The following GRM8 variants were observed in gnomAD, a reference collection of about 807,000 sequenced individuals.
GRM8 encodes the protein glutamate metabotropic receptor 8, also known as metabotropic glutamate receptor 8.
GRM8 carries 47 observed loss-of-function variants against 87.2 expected under a neutral mutation model. The observed-to-expected ratio is 0.54, with a 90% CI of 0.43 to 0.69. The LOEUF (loss-of-function observed/expected upper bound fraction) is 0.69. Among genes scored for constraint, GRM8 ranks in the 30% least tolerant of loss-of-function variants. The probability of loss-of-function intolerance (pLI) is 0.00; values close to 1 mark genes in which losing one functional copy is unlikely to be tolerated. For missense variants in GRM8, 1,019 were observed against 1,139.2 expected (o/e 0.89, Z 1.52); for synonymous variants, 396 against 404.5 (o/e 0.98, Z 0.25).
intron 2 of GRM8, among the ~76,000 whole-genome samples, chr7:127,133,148 G>A (rs1196615121): frequency 6.6e-6 from 1 of 151,406 alleles, no homozygotes; most frequent in African/African-American, 2.4e-5. Flanking sequence ...GGCCAAGCGC[G>A]GTGGCTCACG....
chr7:126,581,061 A>T (rs1174200273), intron 8 of GRM8, among the ~76,000 whole-genome samples: 1 of 152,062 alleles, frequency 6.6e-6, no homozygotes, highest in African/African-American at 2.4e-5. Context: ...CTGCAGAACC[A>T]GTGTTCTGAG....
At chr7:126,692,887 A>G (rs1563097172) in intron 7 of GRM8, among the ~76,000 whole-genome samples, 1 of 152,232 alleles carries the variant, frequency 6.6e-6, no homozygotes, top group Non-Finnish European at 1.5e-5. Context: ...AAACAGAAGG[A>G]GGATCAGAAA....
intron 6 of GRM8, among the ~76,000 whole-genome samples, chr7:126,880,167 T>C (rs1157356869): frequency 6.6e-6 from 1 of 152,140 alleles, no homozygotes; most frequent in Non-Finnish European, 1.5e-5. Flanking sequence ...GTTTATTAGA[T>C]GAATAAATAA....
intron 9 of GRM8, among the ~76,000 whole-genome samples, chr7:126,528,444 A>T (rs1562923364): frequency 6.6e-6 from 1 of 152,198 alleles, no homozygotes; most frequent in Non-Finnish European, 1.5e-5. Flanking sequence ...AGCAAAATCA[A>T]ATAAAGTCCT....
intron 2 of GRM8, among the ~76,000 whole-genome samples, chr7:127,175,220 C>T (rs1289411140): frequency 6.6e-6 from 1 of 152,096 alleles, no homozygotes; most frequent in African/African-American, 2.4e-5. Flanking sequence ...CAAACACTAA[C>T]AGAACTGAAT....
intron 6 of GRM8, among the ~76,000 whole-genome samples, chr7:126,848,261 T>C (rs1796887871): frequency 6.6e-6 from 1 of 152,144 alleles, no homozygotes; most frequent in African/African-American, 2.4e-5. Flanking sequence ...CAGTGGTCAT[T>C]GGAAAATGAG....
intron 6 of GRM8, among the ~76,000 whole-genome samples, chr7:126,855,626 C>A (rs556682713): frequency 6.6e-6 from 1 of 152,026 alleles, no homozygotes; most frequent in Non-Finnish European, 1.5e-5. Flanking sequence ...CAGGCATGTA[C>A]CAGCATGCCT....
intron 7 of GRM8, among the ~76,000 whole-genome samples, chr7:126,649,686 G>A (rs2151238087): frequency 6.6e-6 from 1 of 152,266 alleles, no homozygotes; most frequent in South Asian, 2.1e-4. Flanking sequence ...CCAAGAAAGA[G>A]GCACAGCGCC....
chr7:126,740,393 G>A (rs546076283), intron 7 of GRM8, among the ~76,000 whole-genome samples: 28 of 152,044 alleles, frequency 1.8e-4, no homozygotes, highest in Non-Finnish European at 2.9e-4. Context: ...CAAACAGTAC[G>A]AAGACAGAAA....
intron 6 of GRM8, among the ~76,000 whole-genome samples, chr7:126,826,703 A>T (rs1794838641): frequency 6.6e-6 from 1 of 152,272 alleles, no homozygotes; most frequent in East Asian, 1.9e-4. Flanking sequence ...TTTGCTGTGC[A>T]GTAGCTCTTT....
chr7:126,714,278 AAATAATAATAATAATAATAAT>A (rs143180604), intron 7 of GRM8, among the ~76,000 whole-genome samples: 2 of 137,060 alleles, frequency 1.5e-5, no homozygotes, highest in East Asian at 2.2e-4. Context: ...ACTCCATCTC[AAATAATAATAATAATAATAAT>A]AATAATAATA....
intron 6 of GRM8, among the ~76,000 whole-genome samples, chr7:126,900,449 C>G (rs758753531): frequency 6.6e-6 from 1 of 151,958 alleles, no homozygotes; most frequent in African/African-American, 2.4e-5. Flanking sequence ...TATAACACTA[C>G]GTACCAAAGC....
At chr7:126,535,331 G>A (rs1319508306) in intron 8 of GRM8, among the ~76,000 whole-genome samples, 1 of 152,194 alleles carries the variant, frequency 6.6e-6, no homozygotes, top group Non-Finnish European at 1.5e-5. Context: ...ATTCACTCGA[G>A]TGGAAGCACT....
intron 6 of GRM8, among the ~76,000 whole-genome samples, chr7:126,793,051 T>C (rs927287274): frequency 1.3e-5 from 2 of 152,188 alleles, no homozygotes; most frequent in African/African-American, 4.8e-5. Context: ...TTCTTTTCCC[T>C]GCCAGAAACA....
chr7:126,902,467 A>G, intron 6 of GRM8, 75 bp downstream of exon 6: 1 of 1,238,346 alleles, frequency 8.1e-7, no homozygotes, highest in Non-Finnish European at 1.1e-6. Flanking sequence ...TCCATATAGA[A>G]AAACGTAATT....
chr7:126,768,591 T>C (rs1818465417), intron 7 of GRM8, among the ~76,000 whole-genome samples: 1 of 151,950 alleles, frequency 6.6e-6, no homozygotes, highest in Non-Finnish European at 1.5e-5. Context: ...ATGCTTTCTT[T>C]AGTGCTTCTT....
intron 3 of GRM8, among the ~76,000 whole-genome samples, chr7:126,950,962 A>C (rs936000843): frequency 6.6e-6 from 1 of 151,762 alleles, no homozygotes; most frequent in Non-Finnish European, 1.5e-5. Context: ...CTTTTATAAT[A>C]ATATTAAACT....
chr7:126,485,496 T>G (rs1807252000), intron 9 of GRM8, among the ~76,000 whole-genome samples: 1 of 151,696 alleles, frequency 6.6e-6, no homozygotes, highest in Non-Finnish European at 1.5e-5. Flanking sequence ...AAATGATGAG[T>G]GGTGTCTGGG....
intron 6 of GRM8, among the ~76,000 whole-genome samples, chr7:126,863,822 T>C (rs1352900198): frequency 6.6e-6 from 1 of 152,116 alleles, no homozygotes; most frequent in Non-Finnish European, 1.5e-5. Context: ...TTTTAGTTCA[T>C]AATGCATATT....
Sources: allele counts gnomAD v4.1 joint callset (sites outside exome capture counted in the v4.1 genomes callset), GRCh38; gene constraint gnomAD v4.1.1; transcripts MANE v1.5; gene names NCBI Gene and HGNC (gene_info 2026-07-23, HGNC 2026-07-21).